Variants in FRMD4A observed in about 807,000 individuals in gnomAD.
The protein encoded by FRMD4A is FERM domain-containing protein 4A.
FRMD4A carries 29 observed loss-of-function variants against 129.1 expected under a neutral mutation model. The ratio of observed to expected loss-of-function variants is 0.22; its 90% CI spans 0.17 to 0.31. The LOEUF (loss-of-function observed/expected upper bound fraction) is 0.31, where lower values mean the gene tolerates loss of function less well. FRMD4A is among the 10% of genes least tolerant of loss of function. FRMD4A has a pLI of 1.00. For synonymous variants in FRMD4A, 634 were observed against 571.6 expected (o/e 1.11, Z -1.56); for missense variants, 1,272 against 1,375.8 (o/e 0.92, Z 1.19).
rs541467488 is a variant in FRMD4A, at chr10:13,986,578, C to A, written c.46-127666G>T. Among the ~76,000 whole-genome samples the A allele has an allele frequency of 2.1e-5, 3 of 145,850 alleles. No homozygotes were observed. The Admixed American group carries it at 2.1e-4, about 10-fold the overall frequency. ...CGAGTTAATGGGTGCAGCACACCAG[C>A]ATGGCACATGTATACATATGTAACT... On this transcript the variant is annotated intron_variant, in intron 2 of 24. Coordinates refer to ENST00000357447, the MANE Select transcript of FRMD4A (RefSeq NM_018027.5).
At chr10:13,874,252 A>T (rs1450737274) in intron 2 of FRMD4A, among the ~76,000 whole-genome samples, 1 of 137,570 alleles carries the variant, frequency 7.3e-6, no homozygotes, top group Non-Finnish European at 1.6e-5. Flanking sequence ...TCTCAAAAAA[A>T]AAAAAAAAAA....
At chr10:13,788,309 C>T (rs1035973847) in intron 5 of FRMD4A, among the ~76,000 whole-genome samples, 4 of 152,196 alleles carry the variant, frequency 2.6e-5, no homozygotes, top group African/African-American at 9.7e-5. Flanking sequence ...GGGGGCAGCC[C>T]CCATGCTGCA....
intron 2 of FRMD4A, among the ~76,000 whole-genome samples, chr10:14,226,639 G>T (rs1326998): frequency 6.6e-6 from 1 of 152,004 alleles, no homozygotes; most frequent in Non-Finnish European, 1.5e-5. Context: ...GTCCAAACTT[G>T]CCCGTGTTCT....
intron 2 of FRMD4A, among the ~76,000 whole-genome samples, chr10:13,885,848 CTGCTCCCCATTG>C (rs1383290827): frequency 6.6e-6 from 1 of 152,220 alleles, no homozygotes. Context: ...AGGCCGAACA[CTGCTCCCCATTG>C]TGCTCCATCA....
At chr10:13,926,101 G>A (rs540854397) in intron 2 of FRMD4A, among the ~76,000 whole-genome samples, 34 of 152,246 alleles carry the variant, frequency 2.2e-4, no homozygotes, top group African/African-American at 8.2e-4. Flanking sequence ...CAGACGAGGG[G>A]AATATATTCA....
intron 2 of FRMD4A, among the ~76,000 whole-genome samples, chr10:14,224,243 A>C (rs1843361871): frequency 6.6e-6 from 1 of 152,252 alleles, no homozygotes; most frequent in Admixed American, 6.5e-5. Context: ...CAAGGTCCTC[A>C]TTTCTAAAAG....
At chr10:14,324,943 G>T (rs1843210922) in intron 2 of FRMD4A, among the ~76,000 whole-genome samples, 1 of 152,182 alleles carries the variant, frequency 6.6e-6, no homozygotes, top group South Asian at 2.1e-4. Context: ...TTACAGGCAT[G>T]AGCCACCGCA....
chr10:14,085,638 G>C (rs185732145), intron 2 of FRMD4A, among the ~76,000 whole-genome samples: 4 of 152,160 alleles, frequency 2.6e-5, no homozygotes, highest in Non-Finnish European at 4.4e-5. Flanking sequence ...GCCACCATGC[G>C]CCAGAGAGCT....
At chr10:14,159,801 G>A (rs944238302) in intron 2 of FRMD4A, among the ~76,000 whole-genome samples, 7 of 152,190 alleles carry the variant, frequency 4.6e-5, no homozygotes, top group African/African-American at 1.2e-4. Context: ...TGTAATCCTC[G>A]CACTTTGGAA....
intron 15 of FRMD4A, chr10:13,692,311 C>T (rs995863802): frequency 6.6e-6 from 1 of 152,034 alleles, no homozygotes; most frequent in African/African-American, 2.4e-5. Flanking sequence ...CCACACTCGG[C>T]TAATTTTTGT....
At chr10:14,283,878 G>A (rs1205558373) in intron 2 of FRMD4A, among the ~76,000 whole-genome samples, 1 of 152,198 alleles carries the variant, frequency 6.6e-6, no homozygotes, top group African/African-American at 2.4e-5. Flanking sequence ...TGGGCCAAGG[G>A]TCAAACATAG....
Position 14,023,489 on chromosome 10 carries a change from A to G in FRMD4A, c.46-164577T>C, listed in dbSNP as rs80300009. Reference sequence around the variant, plus strand: ...GCAGACTGGCGGGTCCTGGAAAGGTAACAGCTCACAGCCGCCTTCCCGGGG... The same window carrying G: ...GCAGACTGGCGGGTCCTGGAAAGGTGACAGCTCACAGCCGCCTTCCCGGGG... On this transcript the variant is annotated intron_variant, in intron 2 of 24. Coordinates refer to ENST00000357447, the MANE Select transcript of FRMD4A (RefSeq NM_018027.5). Among the ~76,000 whole-genome samples the G allele has an allele frequency of 1.5e-3, 229 of 152,268 alleles. 1 individual carries two copies. The highest frequency in any genetic ancestry group is 5.3e-3 in the African/African-American group (221 of 41,564).
chr10:14,058,069 A>T (rs10906589), intron 2 of FRMD4A, among the ~76,000 whole-genome samples: 72,074 of 152,066 alleles, frequency 0.47, 17,669 homozygotes, highest in Middle Eastern at 0.56. Flanking sequence ...CCAGGGACAC[A>T]GGCATAGATG....
chr10:13,689,223 G>T, intron 15 of FRMD4A, among the ~76,000 whole-genome samples: 1 of 121,414 alleles, frequency 8.2e-6, no homozygotes, highest in Non-Finnish European at 1.7e-5. Context: ...GGGGGGGGAG[G>T]GCTATAACTT....
At chr10:13,946,077 C>T (rs1290185789) in intron 2 of FRMD4A, among the ~76,000 whole-genome samples, 1 of 152,214 alleles carries the variant, frequency 6.6e-6, no homozygotes, top group Non-Finnish European at 1.5e-5. Context: ...TTATGGACTT[C>T]ACAACTATGA....
At chr10:14,281,452 G>A (rs1248865271) in intron 2 of FRMD4A, among the ~76,000 whole-genome samples, 1 of 152,244 alleles carries the variant, frequency 6.6e-6, no homozygotes, top group African/African-American at 2.4e-5. Context: ...CAACCCTGCT[G>A]ATAACATTGA....
intron 2 of FRMD4A, among the ~76,000 whole-genome samples, chr10:14,247,494 CCT>C (rs142709328): frequency 5.3e-5 from 8 of 150,564 alleles, no homozygotes; most frequent in Admixed American, 1.3e-4. Flanking sequence ...TACAGATAGG[CCT>C]CTCTCTCTCT....
At chr10:13,847,864 T>C (rs1186740862) in intron 3 of FRMD4A, among the ~76,000 whole-genome samples, 1 of 152,134 alleles carries the variant, frequency 6.6e-6, no homozygotes, top group African/African-American at 2.4e-5. Context: ...ATAATAAATA[T>C]TTACCAAACA....
chr10:14,094,869 G>A (rs1424394669), intron 2 of FRMD4A, among the ~76,000 whole-genome samples: 1 of 152,206 alleles, frequency 6.6e-6, no homozygotes, highest in African/African-American at 2.4e-5. Flanking sequence ...GTGCATGTGT[G>A]GACATATGTG....
Sources: gnomAD v4.1 joint callset for allele counts (sites outside exome capture counted in the v4.1 genomes callset) on GRCh38, gnomAD v4.1.1 for gene constraint, MANE v1.5 for transcripts, NCBI Gene and HGNC (gene_info 2026-07-23, HGNC 2026-07-21) for gene names.